Variants in CDC40 observed in about 807,000 individuals in gnomAD.
CDC40 encodes the protein cell division cycle 40.
Under a neutral mutation model 80.6 loss-of-function variants are expected in CDC40, and 27 were observed. The observed-to-expected ratio is 0.33, with a 90% CI of 0.25 to 0.46. The LOEUF is 0.46. Ranked by LOEUF, CDC40 falls within the 20% of genes least tolerant of loss-of-function variation. The pLI is 1.00. For synonymous variants in CDC40, 221 were observed against 232.6 expected (o/e 0.95, Z 0.45); for missense variants, 486 against 694.1 (o/e 0.70, Z 3.37).
intron 12 of CDC40, among the ~76,000 whole-genome samples, chr6:110,223,738 A>G (rs1310736097): frequency 2.0e-5 from 3 of 152,236 alleles, no homozygotes; most frequent in African/African-American, 7.2e-5. Flanking sequence ...ATAATACTAC[A>G]CAAACTAACT....
At chr6:110,209,342 G>T in intron 5 of CDC40, 119 bp downstream of exon 5, 1 of 760,120 alleles carries the variant, frequency 1.3e-6, no homozygotes, top group South Asian at 2.0e-5. Flanking sequence ...AAATTTTTCT[G>T]CCTTTAGTTG....
At chr6:110,180,768 T>C (rs778820534) in intron 1 of CDC40, 135 bp downstream of exon 1, 93 of 650,582 alleles carry the variant, frequency 1.4e-4, no homozygotes, top group Middle Eastern at 8.0e-4. Context: ...TTTCTTCTCC[T>C]TCCCACATGC....
chr6:110,217,887 T>G (rs1422170731), intron 10 of CDC40, 84 bp downstream of exon 10: 2 of 676,586 alleles, frequency 3.0e-6, no homozygotes, highest in East Asian at 5.5e-5. Context: ...TGTGGCAAAA[T>G]GGCACCTTCT....
At chr6:110,191,000 G>T (rs1017042588) in intron 1 of CDC40, among the ~76,000 whole-genome samples, 4 of 152,136 alleles carry the variant, frequency 2.6e-5, no homozygotes, top group Non-Finnish European at 4.4e-5. Context: ...GGTGGTAATT[G>T]AAGTCATGAA....
rs778881212 is a variant in CDC40 at position 110,193,238 on chromosome 6, T to C, written c.246T>C (p.Asn82=). ...LDPAVKEVQY[N]PTYETMFAPE... Reference sequence around the variant, plus strand: ...CTGCCGTCAAAGAAGTTCAGTATAATCCTACCTATGAGACCATGTTTGCTC... The same window carrying C: ...CTGCCGTCAAAGAAGTTCAGTATAACCCTACCTATGAGACCATGTTTGCTC... Residue 82 remains asparagine (N), a synonymous_variant, in exon 2 of 15, where the codon AAT becomes AAC. Coordinates refer to ENST00000307731, the MANE Select transcript of CDC40 (RefSeq NM_015891.3). The C allele has an allele frequency of 8.5e-5, 136 of 1,608,244 alleles. No homozygotes were observed. Among genetic ancestry groups the C allele is most frequent in the Non-Finnish European group, 1.1e-4 (127 of 1,174,822 alleles).
intron 9 of CDC40, among the ~76,000 whole-genome samples, chr6:110,216,394 C>A (rs752945507): frequency 2.9e-4 from 44 of 152,298 alleles, no homozygotes; most frequent in Admixed American, 8.5e-4. Flanking sequence ...CCTCCCTGCA[C>A]AAATTAATAC....
Position 110,219,513 on chromosome 6 carries a change from A to G in CDC40, c.1206+34A>G, listed in dbSNP as rs759519376. 5 of 1,254,810 alleles carry G rather than the reference A, an allele frequency of 4.0e-6. No individual in the cohort carries two copies. The South Asian group carries it at 6.0e-5, about 15-fold the overall frequency. 77.7% of individuals were successfully genotyped at this position (1,254,810 alleles called of 1,614,324 possible). On this transcript the variant is annotated intron_variant, in intron 11 of 14. Transcript: ENST00000307731. ...TTCACAGTATTTTGTTAAGACTCCT[A>G]AGCTTTATGTTGTATAAGGGGATGG...
At chr6:110,212,603 TCTC>T (rs1019634829) in intron 7 of CDC40, among the ~76,000 whole-genome samples, 4 of 152,238 alleles carry the variant, frequency 2.6e-5, no homozygotes, top group Non-Finnish European at 5.9e-5. Context: ...TAGCACCAAG[TCTC>T]CTGCTTAGCT....
chr6:110,211,396 A>G (rs371013571), intron 6 of CDC40: 1 of 152,244 alleles, frequency 6.6e-6, no homozygotes, highest in Non-Finnish European at 1.5e-5. Context: ...AGAATAGCTT[A>G]GCATTTACAG....
chr6:110,221,794 T>C (rs1486153527), intron 12 of CDC40, among the ~76,000 whole-genome samples: 4 of 151,990 alleles, frequency 2.6e-5, no homozygotes, highest in Admixed American at 2.6e-4. Flanking sequence ...CATGTGTATG[T>C]GGGTATTCTG....
intron 3 of CDC40, 42 bp downstream of exon 3, chr6:110,201,729 T>C (rs761374683): frequency 6.3e-7 from 1 of 1,577,604 alleles, no homozygotes; most frequent in Non-Finnish European, 8.7e-7. Flanking sequence ...TTGGCTTTAT[T>C]AGAAGTGTGA....
In CDC40 at chr6:110,226,024, T is replaced by A. The variant is rs143110625; in HGVS notation, c.1341-143T>A. ...AGTGTCATCTTGTGATTTTTCTTCT[T>A]CCAGAAAGTTTCATGAAAGATTTAT... is the stretch of plus-strand genomic sequence containing the variant. On this transcript the variant is annotated intron_variant, in intron 12 of 14. Coordinates refer to ENST00000307731, the MANE Select transcript of CDC40 (RefSeq NM_015891.3). 2.6e-5 allele frequency: 15 copies of A among 587,628 alleles called. No individual in the cohort carries two copies. The African/African-American group carries it at 2.8e-4, about 11-fold the overall frequency. 36.4% of individuals were successfully genotyped at this position (587,628 alleles called of 1,614,324 possible). A position where few individuals can be genotyped will look rare whatever the true frequency, so the allele number is the denominator to read the frequency against.
In CDC40 at chr6:110,180,552, C is replaced by T. The variant is rs1159201665; in HGVS notation, c.108C>T (p.Ser36=). 4 of 1,614,184 alleles carry T rather than the reference C, an allele frequency of 2.5e-6. No homozygotes were observed. Among genetic ancestry groups the T allele is most frequent in the Admixed American group, 1.7e-5 (1 of 60,030 alleles). The change falls in exon 1 of 15, where the codon TCC becomes TCT. Residue 36 remains serine, a synonymous_variant. Coordinates refer to ENST00000307731, the MANE Select transcript of CDC40 (RefSeq NM_015891.3). ...GGTGTCCGCTGCCAGCCGCCGACTC[C>T]CTCATGCACTTGACTAAATCGCCTT... ...SSRCPLPAAD[S]LMHLTKSPSS...
chr6:110,227,240 C>T (rs747600768), intron 13 of CDC40, among the ~76,000 whole-genome samples: 3 of 152,136 alleles, frequency 2.0e-5, no homozygotes, highest in Non-Finnish European at 2.9e-5. Flanking sequence ...TATAGCTTTA[C>T]ATGAGAGTCT....
chr6:110,219,055 C>T (rs1777734171), intron 10 of CDC40, among the ~76,000 whole-genome samples: 1 of 152,138 alleles, frequency 6.6e-6, no homozygotes, highest in African/African-American at 2.4e-5. Context: ...CTAGCTCCAG[C>T]ATAATATCTG....
intron 14 of CDC40, 92 bp from the exon 15 acceptor site, chr6:110,229,862 G>A (rs1554209225): frequency 1.4e-6 from 1 of 722,844 alleles, no homozygotes; most frequent in African/African-American, 1.8e-5. Context: ...TTTTTTTAAT[G>A]TTAACGTGAA....
At chr6:110,197,881 T>C (rs1203428269) in intron 2 of CDC40, among the ~76,000 whole-genome samples, 2 of 152,194 alleles carry the variant, frequency 1.3e-5, no homozygotes, top group Non-Finnish European at 2.9e-5. Flanking sequence ...CTCTTTGACA[T>C]GCTGATGTCA....
chr6:110,217,953 T>C, intron 10 of CDC40, 150 bp downstream of exon 10: 1 of 524,918 alleles, frequency 1.9e-6, no homozygotes, highest in Non-Finnish European at 3.4e-6. Flanking sequence ...AATACATTTG[T>C]AAGTCGAAAC....
intron 1 of CDC40, 83 bp downstream of exon 1, chr6:110,180,716 A>G: frequency 1.0e-6 from 1 of 976,742 alleles, no homozygotes; most frequent in Non-Finnish European, 1.6e-6. Context: ...GTACCGGGTT[A>G]CCTCTTTCTC....
Sources: allele counts gnomAD v4.1 joint callset (sites outside exome capture counted in the v4.1 genomes callset), GRCh38; gene constraint gnomAD v4.1.1; transcripts MANE v1.5; gene names NCBI Gene and HGNC (gene_info 2026-07-23, HGNC 2026-07-21).